Variants in ADAMTSL1 observed in about 807,000 individuals in gnomAD.
The protein encoded by ADAMTSL1 is ADAMTS-like protein 1.
In ADAMTSL1, 126 loss-of-function variants were observed where a neutral mutation model predicts 201.8. The observed-to-expected ratio is 0.62, with a 90% CI of 0.54 to 0.72. The LOEUF is 0.72. Among genes scored for constraint, ADAMTSL1 ranks in the 30% least tolerant of loss-of-function variants. The probability of loss-of-function intolerance (pLI) is 0.00; values close to 1 mark genes in which losing one functional copy is unlikely to be tolerated. For missense variants in ADAMTSL1, 2,679 were observed against 2,277.8 expected (o/e 1.18, Z -3.59); for synonymous variants, 1,121 against 903.4 (o/e 1.24, Z -4.32).
chr9:18,660,683 C>G (rs1466730206), intron 8 of ADAMTSL1, among the ~76,000 whole-genome samples: 1 of 152,100 alleles, frequency 6.6e-6, no homozygotes, highest in Non-Finnish European at 1.5e-5. Flanking sequence ...AGTGCATTTA[C>G]TTACTTAAAA....
chr9:18,827,382 C>T (rs1001882616), intron 22 of ADAMTSL1, among the ~76,000 whole-genome samples: 2 of 152,228 alleles, frequency 1.3e-5, no homozygotes, highest in African/African-American at 4.8e-5. Flanking sequence ...TCTGTTTTCA[C>T]ACCGAGAGTT....
chr9:18,855,185 A>G (rs1038884919), intron 23 of ADAMTSL1, among the ~76,000 whole-genome samples: 7 of 152,204 alleles, frequency 4.6e-5, no homozygotes, highest in Non-Finnish European at 8.8e-5. Context: ...CTTTGCTGGT[A>G]GAAAGAAGGC....
chr9:18,676,957 C>G (rs972252052), intron 10 of ADAMTSL1, among the ~76,000 whole-genome samples: 3 of 152,038 alleles, frequency 2.0e-5, no homozygotes, highest in South Asian at 2.1e-4. Context: ...CGAACAATCA[C>G]AACCATATAC....
intron 2 of ADAMTSL1, among the ~76,000 whole-genome samples, chr9:18,332,082 G>A (rs1200916003): frequency 6.6e-6 from 1 of 152,090 alleles, no homozygotes; most frequent in Admixed American, 6.6e-5. Flanking sequence ...GAAGTGTTTG[G>A]CAGCTGTAGT....
chr9:18,419,012 A>G (rs914305174), intron 2 of ADAMTSL1, among the ~76,000 whole-genome samples: 9 of 152,230 alleles, frequency 5.9e-5, no homozygotes, highest in African/African-American at 1.9e-4. Flanking sequence ...GTAACAGAAT[A>G]AAAAGTTCAG....
chr9:18,109,043 T>C (rs551500655), intron 1 of ADAMTSL1, among the ~76,000 whole-genome samples: 121 of 152,312 alleles, frequency 7.9e-4, no homozygotes, highest in African/African-American at 2.8e-3. Context: ...AGCAATCTTA[T>C]AAAATTACTT....
rs149348333 is a variant in ADAMTSL1, at chr9:18,263,599, G to C, written c.207+99618G>C. Among the ~76,000 whole-genome samples, 157 of 152,248 alleles carry C rather than the reference G, an allele frequency of 1.0e-3. 5 individuals carry two copies. In the East Asian group the frequency reaches 0.027, roughly 26 times the overall value. ...AAGCCAAATTTTTAGCTACTATTGT[G>C]GACTGAAAGTTTCTGTCCCCTACCC... On this transcript the variant is annotated intron_variant, in intron 2 of 29. Coordinates refer to the ADAMTSL1 transcript ENST00000680146.
At chr9:18,808,385 C>G (rs937427050) in intron 20 of ADAMTSL1, among the ~76,000 whole-genome samples, 1 of 152,130 alleles carries the variant, frequency 6.6e-6, no homozygotes, top group Non-Finnish European at 1.5e-5. Context: ...TAACTTTGTG[C>G]TTTGTCTTAA....
At chr9:18,121,342 A>G (rs1292404712) in intron 1 of ADAMTSL1, among the ~76,000 whole-genome samples, 2 of 152,134 alleles carry the variant, frequency 1.3e-5, no homozygotes, top group Non-Finnish European at 2.9e-5. Flanking sequence ...AACTCAAACT[A>G]ATTTGTTTTT....
chr9:18,675,251 G>A (rs1587864771), intron 9 of ADAMTSL1, among the ~76,000 whole-genome samples: 2 of 152,176 alleles, frequency 1.3e-5, no homozygotes, highest in East Asian at 3.9e-4. Flanking sequence ...TAGGAAATTT[G>A]CCTTTGCTAA....
intron 2 of ADAMTSL1, among the ~76,000 whole-genome samples, chr9:18,276,749 T>TGGCATGAAC (rs1832603864): frequency 6.6e-6 from 1 of 152,102 alleles, no homozygotes; most frequent in Non-Finnish European, 1.5e-5. Context: ...CCAAGTTATT[T>TGGCATGAAC]TAAACAGCCA....
intron 7 of ADAMTSL1, among the ~76,000 whole-genome samples, chr9:18,652,423 T>A (rs1354338603): frequency 2.0e-5 from 3 of 151,030 alleles, no homozygotes; most frequent in African/African-American, 7.3e-5. Flanking sequence ...GGGCAGCCTG[T>A]AAATCTTGGG....
At chr9:18,479,717 C>T (rs755738264) in intron 1 of ADAMTSL1, among the ~76,000 whole-genome samples, 9 of 152,198 alleles carry the variant, frequency 5.9e-5, no homozygotes, top group African/African-American at 1.2e-4. Flanking sequence ...ACTTGTTCCT[C>T]CTGCCTCTTT....
chr9:18,041,625 T>A (rs1821428853), intron 1 of ADAMTSL1, among the ~76,000 whole-genome samples: 1 of 152,282 alleles, frequency 6.6e-6, no homozygotes, highest in Admixed American at 6.5e-5. Context: ...AAGAACTCTA[T>A]GGAGCAAAAG....
At chr9:17,993,291 T>C (rs1023038391) in intron 1 of ADAMTSL1, among the ~76,000 whole-genome samples, 1 of 152,176 alleles carries the variant, frequency 6.6e-6, no homozygotes, top group African/African-American at 2.4e-5. Flanking sequence ...GTTTAACATG[T>C]TAAATTACAT....
intron 14 of ADAMTSL1, among the ~76,000 whole-genome samples, chr9:18,710,545 T>C (rs920218909): frequency 2.0e-5 from 3 of 152,316 alleles, no homozygotes; most frequent in African/African-American, 7.2e-5. Flanking sequence ...GCTATGATTA[T>C]TGGTTTGGAG....
intron 7 of ADAMTSL1, among the ~76,000 whole-genome samples, chr9:18,649,859 G>A (rs992737498): frequency 6.6e-5 from 10 of 152,302 alleles, no homozygotes; most frequent in Admixed American, 1.3e-4. Flanking sequence ...TACTTGAGGA[G>A]GCAGTCTGCC....
intron 1 of ADAMTSL1, among the ~76,000 whole-genome samples, chr9:18,090,787 C>T (rs2131812716): frequency 6.6e-6 from 1 of 152,260 alleles, no homozygotes; most frequent in Admixed American, 6.5e-5. Context: ...ACTGGAAAGT[C>T]ATTCCCATTC....
At chr9:18,883,695 T>G (rs1187937750) in intron 23 of ADAMTSL1, among the ~76,000 whole-genome samples, 3 of 152,236 alleles carry the variant, frequency 2.0e-5, no homozygotes, top group African/African-American at 2.4e-5. Context: ...TCTGACTTCC[T>G]TCATTTAGCA....
Sources: gnomAD v4.1 joint callset for allele counts (sites outside exome capture counted in the v4.1 genomes callset) on GRCh38, gnomAD v4.1.1 for gene constraint, MANE v1.5 for transcripts, NCBI Gene and HGNC (gene_info 2026-07-23, HGNC 2026-07-21) for gene names.